Variants in FAF1 observed in about 807,000 individuals in gnomAD.
FAF1 encodes FAS-associated factor 1.
Under a neutral mutation model 92.5 loss-of-function variants are expected in FAF1, and 25 were observed. The observed-to-expected ratio is 0.27, with a 90% CI of 0.20 to 0.38. FAF1 has a LOEUF of 0.38. FAF1 is among the 10% of genes least tolerant of loss of function. The pLI, the probability that FAF1 is intolerant of heterozygous loss-of-function variation, is 1.00. For synonymous variants in FAF1, 234 were observed against 273.2 expected, an observed-to-expected ratio of 0.86 and a Z score of 1.42; for missense variants, 636 against 793.3, an observed-to-expected ratio of 0.80 and a Z score of 2.38.
intron 1 of FAF1, among the ~76,000 whole-genome samples, chr1:50,911,620 C>A (rs1644886374): frequency 6.6e-6 from 1 of 151,946 alleles, no homozygotes; most frequent in Non-Finnish European, 1.5e-5. Flanking sequence ...TGGCTTGAAC[C>A]CAGCAGGCAG....
rs530096048 is a variant in FAF1, at chr1:50,563,557, G to GA, written c.1268+3519dup. ...AAAAGACTGTACAATATTTTCCAAG[G>GA]AAAAAACCTCCAATTTAGATATGCA... On this transcript the variant is annotated intron_variant, in intron 13 of 18. Transcript: ENST00000396153. Among the ~76,000 whole-genome samples the GA allele has an allele frequency of 7.2e-5, 11 of 152,080 alleles. No individual in the cohort carries two copies. In the South Asian group the frequency reaches 2.1e-3, roughly 29 times the overall value.
At chr1:50,526,427 C>T (rs1383608662) in intron 15 of FAF1, among the ~76,000 whole-genome samples, 1 of 151,396 alleles carries the variant, frequency 6.6e-6, no homozygotes. Flanking sequence ...GAGACCCCAT[C>T]TCTATTAAAA....
At chr1:50,952,454 G>A (rs1426371206) in intron 1 of FAF1, among the ~76,000 whole-genome samples, 1 of 152,150 alleles carries the variant, frequency 6.6e-6, no homozygotes, top group Non-Finnish European at 1.5e-5. Context: ...ATCTCGGCTC[G>A]CTACAACCTC....
At chr1:50,861,686 T>C (rs978656891) in intron 1 of FAF1, among the ~76,000 whole-genome samples, 10 of 151,844 alleles carry the variant, frequency 6.6e-5, no homozygotes, top group Non-Finnish European at 1.2e-4. Flanking sequence ...TGCACTTGTA[T>C]TCCTAAGTCC....
chr1:50,859,387 G>A lies in FAF1; in HGVS notation c.46-1390C>T, dbSNP rs1328533453. Among the ~76,000 whole-genome samples, 5 of 151,296 alleles carry A rather than the reference G, an allele frequency of 3.3e-5. No individual in the cohort carries two copies. In the East Asian group the frequency reaches 7.7e-4, roughly 23 times the overall value. ...CCCTAAAGACTGCAAAAAGGATCCTGGAACCGATAACTTCAGTAAAGTTTC... is the reference window on the plus strand; with the variant it reads ...CCCTAAAGACTGCAAAAAGGATCCTAGAACCGATAACTTCAGTAAAGTTTC... On this transcript the variant is annotated intron_variant, in intron 1 of 18. Coordinates refer to ENST00000396153, the MANE Select transcript of FAF1 (RefSeq NM_007051.3).
chr1:50,508,869 T>G (rs1647094755), intron 15 of FAF1, among the ~76,000 whole-genome samples: 1 of 152,088 alleles, frequency 6.6e-6, no homozygotes, highest in South Asian at 2.1e-4. Context: ...CCCTGCTAAT[T>G]TTTTTTGCAT....
At chr1:50,937,446 A>C (rs1348647653) in intron 1 of FAF1, among the ~76,000 whole-genome samples, 1 of 151,918 alleles carries the variant, frequency 6.6e-6, no homozygotes, top group South Asian at 2.1e-4. Flanking sequence ...GTCCAGAGTA[A>C]ATCAGTAAGT....
At chr1:50,867,444 A>G (rs563488777) in intron 1 of FAF1, among the ~76,000 whole-genome samples, 1 of 152,302 alleles carries the variant, frequency 6.6e-6, no homozygotes, top group East Asian at 1.9e-4. Flanking sequence ...CATCCAACAA[A>G]GAACTAATAT....
chr1:50,444,006 G>A (rs761741322), intron 18 of FAF1, among the ~76,000 whole-genome samples: 2 of 152,158 alleles, frequency 1.3e-5, no homozygotes, highest in Non-Finnish European at 2.9e-5. Context: ...AAGCAAACAC[G>A]GCTGTGCTGG....
At chr1:50,718,314 C>T (rs1036945963) in intron 6 of FAF1, among the ~76,000 whole-genome samples, 2 of 152,192 alleles carry the variant, frequency 1.3e-5, no homozygotes, top group African/African-American at 4.8e-5. Context: ...AGGCATGAGG[C>T]ACCGTGCCCG....
intron 9 of FAF1, among the ~76,000 whole-genome samples, chr1:50,589,838 T>C (rs934839574): frequency 1.9e-4 from 29 of 152,340 alleles, no homozygotes; most frequent in African/African-American, 6.7e-4. Flanking sequence ...TTCATATATT[T>C]TGAGTTTAGT....
intron 6 of FAF1, among the ~76,000 whole-genome samples, chr1:50,726,952 G>T (rs1658688549): frequency 6.6e-6 from 1 of 152,230 alleles, no homozygotes; most frequent in Non-Finnish European, 1.5e-5. Flanking sequence ...CATTTCTTCA[G>T]TCCTTTTCTA....
At chr1:50,512,753 T>C (rs1647153634) in intron 15 of FAF1, among the ~76,000 whole-genome samples, 3 of 152,344 alleles carry the variant, frequency 2.0e-5, no homozygotes, top group Admixed American at 1.3e-4. Context: ...TTAAAGTAGT[T>C]TTTTCTAATT....
intron 4 of FAF1, among the ~76,000 whole-genome samples, chr1:50,765,522 T>A (rs1049866858): frequency 4.6e-5 from 7 of 152,140 alleles, no homozygotes; most frequent in African/African-American, 1.7e-4. Context: ...TTATTTCCAT[T>A]CAGAGAAAAA....
chr1:50,873,849 A>G (rs1644548106), intron 1 of FAF1, among the ~76,000 whole-genome samples: 2 of 152,168 alleles, frequency 1.3e-5, no homozygotes, highest in Admixed American at 1.3e-4. Context: ...TTTTCTGTGC[A>G]AAGCCAAGAA....
intron 1 of FAF1, among the ~76,000 whole-genome samples, chr1:50,883,647 C>T (rs979289035): frequency 6.6e-6 from 1 of 152,114 alleles, no homozygotes; most frequent in African/African-American, 2.4e-5. Context: ...GTTAGGAGAC[C>T]TCTTCCACAC....
At chr1:50,511,381 G>A (rs1572796684) in intron 15 of FAF1, among the ~76,000 whole-genome samples, 2 of 152,038 alleles carry the variant, frequency 1.3e-5, no homozygotes, top group African/African-American at 4.8e-5. Context: ...TTCTCCTAAT[G>A]CTATCCCTCC....
chr1:50,804,184 C>T lies in FAF1; in HGVS notation c.115-2507G>A, dbSNP rs552766952. Among the ~76,000 whole-genome samples, 12 of 152,244 alleles carry T rather than the reference C, an allele frequency of 7.9e-5. No homozygotes were observed. In the South Asian group the frequency reaches 1.7e-3, roughly 21 times the overall value. Reference sequence around the variant, plus strand: ...TGAACATAAGACAGCTTGCCTTCTACGTAGGACCAAGTATATTCAACAATT... The same window carrying T: ...TGAACATAAGACAGCTTGCCTTCTATGTAGGACCAAGTATATTCAACAATT... On this transcript the variant is annotated intron_variant, in intron 2 of 18. Transcript: ENST00000396153.
intron 7 of FAF1, among the ~76,000 whole-genome samples, chr1:50,673,913 T>C (rs1290107935): frequency 6.6e-6 from 1 of 151,724 alleles, no homozygotes; most frequent in African/African-American, 2.4e-5. Context: ...CCAAAGTAAG[T>C]AGCAGAAGCA....
Sources: allele counts gnomAD v4.1 joint callset (sites outside exome capture counted in the v4.1 genomes callset), GRCh38; gene constraint gnomAD v4.1.1; transcripts MANE v1.5; gene names NCBI Gene and HGNC (gene_info 2026-07-23, HGNC 2026-07-21).